TAFA5: variants seen among roughly 807,000 people sequenced by gnomAD.
The protein encoded by TAFA5 is chemokine-like protein TAFA-5.
TAFA5 carries 6 observed loss-of-function variants against 15.3 expected under a neutral mutation model. The ratio of observed to expected loss-of-function variants is 0.39; its 90% CI spans 0.21 to 0.77. The LOEUF (loss-of-function observed/expected upper bound fraction) is 0.77. Among genes scored for constraint, TAFA5 ranks in the 30% least tolerant of loss-of-function variants. The pLI, the probability that TAFA5 is intolerant of heterozygous loss-of-function variation, is 0.41. For synonymous variants in TAFA5, 103 were observed against 80.7 expected (o/e 1.28, Z -1.48); for missense variants, 161 against 193.1 (o/e 0.83, Z 0.98).
chr22:48,606,028 C>A (rs145292518), intron 1 of TAFA5, among the ~76,000 whole-genome samples: 2 of 152,154 alleles, frequency 1.3e-5, no homozygotes, highest in Admixed American at 6.5e-5. Context: ...GCCTGGTGAG[C>A]CTGATGAGTC....
chr22:48,495,924 C>T (rs977936499), intron 1 of TAFA5, among the ~76,000 whole-genome samples: 2 of 152,354 alleles, frequency 1.3e-5, no homozygotes, highest in South Asian at 4.1e-4. Context: ...AGAGCAGCCT[C>T]CTGCCTACAG....
At chr22:48,542,599 ATGTGTGTGTGG>A (rs1204430333) in intron 1 of TAFA5, among the ~76,000 whole-genome samples, 66 of 41,700 alleles carry the variant, frequency 1.6e-3, no homozygotes, top group African/African-American at 5.7e-3. Context: ...TGTGGTGTGT[ATGTGTGTGTGG>A]TGTGTGTGTG....
intron 1 of TAFA5, among the ~76,000 whole-genome samples, chr22:48,631,661 C>T (rs777400398): frequency 2.0e-5 from 3 of 152,206 alleles, no homozygotes; most frequent in African/African-American, 4.8e-5. Flanking sequence ...CAGACTCAGG[C>T]GCTGGGAGCA....
At chr22:48,740,918 G>A (rs1930161671) in intron 3 of TAFA5, among the ~76,000 whole-genome samples, 2 of 152,178 alleles carry the variant, frequency 1.3e-5, no homozygotes, top group Non-Finnish European at 2.9e-5. Context: ...TGGCAGCAGT[G>A]ATGAGAACAT....
At chr22:48,677,053 T>G (rs1927997937) in intron 2 of TAFA5, among the ~76,000 whole-genome samples, 1 of 152,230 alleles carries the variant, frequency 6.6e-6, no homozygotes, top group African/African-American at 2.4e-5. Context: ...TGGAAGCCAC[T>G]TCTGACCACC....
intron 3 of TAFA5, among the ~76,000 whole-genome samples, chr22:48,714,285 G>C (rs1288187246): frequency 6.6e-6 from 1 of 152,220 alleles, no homozygotes. Context: ...TGCTTTGAGT[G>C]CAAACTCAGC....
rs531112947 is a variant in TAFA5 at position 48,674,971 on chromosome 22, C to T, written c.262+28225C>T. 8.6e-5 allele frequency among the ~76,000 whole-genome samples: 13 copies of T among 150,836 alleles called. No individual in the cohort carries two copies. The South Asian group carries it at 1.9e-3, about 22-fold the overall frequency. ...TTTTTTTTTTTTTGAGATGGAGTCT[C>T]GCTCTGTCACCCAGGCTTGGAGTGC... On this transcript the variant is annotated intron_variant, in intron 2 of 3. Coordinates refer to ENST00000402357, the MANE Select transcript of TAFA5 (RefSeq NM_001082967.3).
intron 3 of TAFA5, among the ~76,000 whole-genome samples, chr22:48,715,339 C>G (rs560185202): frequency 9.8e-5 from 15 of 152,338 alleles, no homozygotes; most frequent in African/African-American, 3.4e-4. Context: ...GAGCGAGGAA[C>G]GTAGAGGCCG....
At chr22:48,499,864 T>TA (rs1394472321) in intron 1 of TAFA5, among the ~76,000 whole-genome samples, 1 of 152,098 alleles carries the variant, frequency 6.6e-6, no homozygotes, top group Non-Finnish European at 1.5e-5. Flanking sequence ...GTGCTTCTGT[T>TA]ATGTGGTGCA....
chr22:48,560,117 G>A lies in TAFA5; in HGVS notation c.112+70413G>A, dbSNP rs889017289. 7.9e-5 allele frequency among the ~76,000 whole-genome samples: 12 copies of A among 152,292 alleles called. No homozygotes were observed. The highest frequency in any genetic ancestry group is 2.9e-4 in the African/African-American group (12 of 41,568). ...GCATAGGATTTGGGGACCTCCACGTGCCGTCCCATGGGAAAGCCGAGTCCT... is the reference window on the plus strand; with the variant it reads ...GCATAGGATTTGGGGACCTCCACGTACCGTCCCATGGGAAAGCCGAGTCCT... On this transcript the variant is annotated intron_variant, in intron 1 of 3. Transcript: ENST00000402357. The surrounding 1 kb of genome is among the most constrained non-coding windows in gnomAD (Gnocchi z 4.2).
chr22:48,543,335 G>T (rs537265401), intron 1 of TAFA5: 1 of 152,162 alleles, frequency 6.6e-6, no homozygotes, highest in Non-Finnish European at 1.5e-5. Context: ...TAAAAGGATC[G>T]TAAAGTGTAA....
intron 1 of TAFA5, among the ~76,000 whole-genome samples, chr22:48,585,514 T>C (rs1243090374): frequency 6.9e-6 from 1 of 144,218 alleles, no homozygotes; most frequent in East Asian, 2.1e-4. Context: ...CCATACAAAC[T>C]AGATACCACA....
At chr22:48,597,554 C>T (rs1386798934) in intron 1 of TAFA5, among the ~76,000 whole-genome samples, 1 of 151,894 alleles carries the variant, frequency 6.6e-6, no homozygotes, top group Non-Finnish European at 1.5e-5. Context: ...CAGGAGCTAC[C>T]TGCAGCCCCC....
chr22:48,663,828 A>G (rs1038735637), intron 2 of TAFA5, among the ~76,000 whole-genome samples: 1 of 152,220 alleles, frequency 6.6e-6, no homozygotes, highest in African/African-American at 2.4e-5. Context: ...GTGGCATCAT[A>G]GTACTTGTGT....
chr22:48,605,207 GTGGTGATGGTGGTGATGGTGATGGTAA>G (rs1925122858), intron 1 of TAFA5, among the ~76,000 whole-genome samples: 1 of 1,138 alleles, frequency 8.8e-4, no homozygotes, highest in East Asian at 0.1. Flanking sequence ...GGTGATGATG[GTGGTGATGGTGGTGATGGTGATGGTAA>G]TGATGGTGAT....
At chr22:48,592,650 C>T (rs896325969) in intron 1 of TAFA5, among the ~76,000 whole-genome samples, 19 of 150,948 alleles carry the variant, frequency 1.3e-4, no homozygotes, top group Non-Finnish European at 1.3e-4. Context: ...TGCCTCCCTC[C>T]CTCCCTCCCT....
rs1421157469 is a variant in TAFA5, at chr22:48,686,717, AATGG to A, written c.263-20987_263-20984del. Among the ~76,000 whole-genome samples, 4 of 151,734 alleles carry A rather than the reference AATGG, an allele frequency of 2.6e-5. No individual in the cohort carries two copies. In the East Asian group the frequency reaches 7.8e-4, roughly 30 times the overall value. ...AAGTGGATAGGTTGATGGATGCTTG[AATGG>A]ATGGATGGATGGTGAATCGATTTTT... On this transcript the variant is annotated intron_variant, in intron 2 of 3. Coordinates refer to ENST00000402357, the MANE Select transcript of TAFA5 (RefSeq NM_001082967.3).
intron 3 of TAFA5, among the ~76,000 whole-genome samples, chr22:48,747,998 A>G (rs1930377962): frequency 6.6e-6 from 1 of 151,864 alleles, no homozygotes; most frequent in Non-Finnish European, 1.5e-5. Context: ...AGAAAGTATC[A>G]TTTACCTGGA....
At chr22:48,604,425 G>A (rs1296278419) in intron 1 of TAFA5, among the ~76,000 whole-genome samples, 1 of 152,202 alleles carries the variant, frequency 6.6e-6, no homozygotes, top group Non-Finnish European at 1.5e-5. Context: ...TTGAGCCGCC[G>A]TGGTGGTGGG....
Sources: allele counts gnomAD v4.1 joint callset (sites outside exome capture counted in the v4.1 genomes callset), GRCh38; gene constraint gnomAD v4.1.1; non-coding constraint Gnocchi (gnomAD v3.1); transcripts MANE v1.5; gene names NCBI Gene and HGNC (gene_info 2026-07-23, HGNC 2026-07-21).